Variants in GPD1L observed in about 807,000 individuals in gnomAD.
The protein encoded by GPD1L is glycerol-3-phosphate dehydrogenase 1 like.
Under a neutral mutation model 32.9 loss-of-function variants are expected in GPD1L, and 17 were observed. The ratio of observed to expected loss-of-function variants is 0.52; its 90% CI spans 0.35 to 0.78. The LOEUF (loss-of-function observed/expected upper bound fraction) is 0.78, where lower values mean the gene tolerates loss of function less well. Among genes scored for constraint, GPD1L ranks in the 30% least tolerant of loss-of-function variants. GPD1L has a pLI of 0.01. For synonymous variants in GPD1L, 187 were observed against 165.9 expected (o/e 1.13, Z -0.98); for missense variants, 361 against 447.8 (o/e 0.81, Z 1.75).
chr3:32,113,645 T>C (rs1171078153), intron 1 of GPD1L, among the ~76,000 whole-genome samples: 2 of 152,164 alleles, frequency 1.3e-5, no homozygotes, highest in Admixed American at 6.5e-5. Context: ...TCTTCCACAA[T>C]TGGAAGAGGA....
intron 1 of GPD1L, among the ~76,000 whole-genome samples, chr3:32,112,717 A>T (rs944694247): frequency 4.6e-5 from 7 of 152,096 alleles, no homozygotes; most frequent in African/African-American, 1.7e-4. Flanking sequence ...TTAACCTTTC[A>T]TTTCTTAACC....
At chr3:32,150,041 C>T (rs533710470) in intron 5 of GPD1L, among the ~76,000 whole-genome samples, 7 of 152,152 alleles carry the variant, frequency 4.6e-5, no homozygotes, top group African/African-American at 9.6e-5. Context: ...CATGCACTTG[C>T]GAAAACCACT....
intron 2 of GPD1L, among the ~76,000 whole-genome samples, chr3:32,138,345 A>G (rs999860886): frequency 7.2e-5 from 11 of 152,206 alleles, no homozygotes; most frequent in African/African-American, 2.4e-4. Context: ...CCTTTTGCAG[A>G]TAAGGCAGTT....
intron 1 of GPD1L, among the ~76,000 whole-genome samples, chr3:32,108,889 G>A (rs541680753): frequency 5.8e-4 from 88 of 152,060 alleles, no homozygotes; most frequent in African/African-American, 1.9e-3. Context: ...TCCCTCTGTC[G>A]CCCAGGCTGG....
intron 4 of GPD1L, among the ~76,000 whole-genome samples, chr3:32,145,613 G>C (rs1700808766): frequency 6.6e-6 from 1 of 152,160 alleles, no homozygotes; most frequent in Non-Finnish European, 1.5e-5. Flanking sequence ...TCAGGAGCAT[G>C]CTTCATGTTG....
chr3:32,156,496 TC>T (rs1286328170), intron 5 of GPD1L, among the ~76,000 whole-genome samples: 1 of 152,178 alleles, frequency 6.6e-6, no homozygotes, highest in Admixed American at 6.5e-5. Flanking sequence ...GGCCTTCCTA[TC>T]CCCATCCTTT....
At chr3:32,139,811 A>C (rs780314552) in intron 3 of GPD1L, among the ~76,000 whole-genome samples, 7 of 152,256 alleles carry the variant, frequency 4.6e-5, no homozygotes, top group Non-Finnish European at 1.0e-4. Context: ...ACAGCACATC[A>C]CAGGTGAATG....
At chr3:32,141,510 C>G (rs1700743722) in intron 4 of GPD1L, among the ~76,000 whole-genome samples, 2 of 152,264 alleles carry the variant, frequency 1.3e-5, no homozygotes, top group East Asian at 1.9e-4. Context: ...ATCCTCATAA[C>G]TGCATAGCAT....
At chr3:32,115,955 T>C (rs895063523) in intron 1 of GPD1L, among the ~76,000 whole-genome samples, 1 of 151,734 alleles carries the variant, frequency 6.6e-6, no homozygotes, top group African/African-American at 2.4e-5. Context: ...GCCAGGCTAA[T>C]TTTTTTGTAT....
In GPD1L at chr3:32,168,328, A is replaced by G. The variant is rs1000917389; in HGVS notation, c.*2418A>G. 2 of 152,660 alleles carry G rather than the reference A, an allele frequency of 1.3e-5. No individual in the cohort carries two copies. Among genetic ancestry groups the G allele is most frequent in the African/African-American group, 4.8e-5 (2 of 41,452 alleles). The allele number at this position is 152,660 out of a possible 1,614,324, so 9.5% of individuals were successfully genotyped here. ...TTTTAATTCACATTTCTTATGAAGT[A>G]TGGTAACAGGGAGGGAGACACCTAG... On this transcript the variant is annotated 3_prime_UTR_variant, in exon 8 of 8. Transcript: ENST00000282541.
At chr3:32,130,401 C>T (rs1404372292) in intron 2 of GPD1L, among the ~76,000 whole-genome samples, 1 of 152,170 alleles carries the variant, frequency 6.6e-6, no homozygotes, top group East Asian at 1.9e-4. Context: ...GTTTTTCTTT[C>T]CAATTCAAGC....
At chr3:32,139,269 C>G (rs759370287) in intron 3 of GPD1L, among the ~76,000 whole-genome samples, 2 of 152,176 alleles carry the variant, frequency 1.3e-5, no homozygotes, top group African/African-American at 4.8e-5. Context: ...GCAGTATTAG[C>G]AGGATCTGAG....
chr3:32,155,912 G>A (rs1372020280), intron 5 of GPD1L, among the ~76,000 whole-genome samples: 1 of 152,122 alleles, frequency 6.6e-6, no homozygotes, highest in African/African-American at 2.4e-5. Flanking sequence ...GCCGTGTACC[G>A]CTTCCGTCTC....
intron 4 of GPD1L, 54 bp from the exon 5 acceptor site, chr3:32,146,568 A>G: frequency 1.0e-6 from 1 of 977,172 alleles, no homozygotes; most frequent in Non-Finnish European, 1.7e-6. Context: ...ATTAGGTGTG[A>G]AAATTAAGAT....
At chr3:32,146,083 CTTTTTTTTTTTT>C (rs59106750) in intron 4 of GPD1L, among the ~76,000 whole-genome samples, 166 of 126,158 alleles carry the variant, frequency 1.3e-3, no homozygotes, top group African/African-American at 4.7e-3. Context: ...ATGCTTTTTT[CTTTTTTTTTTTT>C]TTTTTTTTTG....
chr3:32,161,140 A>G (rs1701069176), intron 7 of GPD1L, among the ~76,000 whole-genome samples: 1 of 152,102 alleles, frequency 6.6e-6, no homozygotes, highest in African/African-American at 2.4e-5. Flanking sequence ...GGTCCCAGTC[A>G]TGCATCTTTA....
At chr3:32,152,300 A>G (rs968942313) in intron 5 of GPD1L, among the ~76,000 whole-genome samples, 3 of 152,300 alleles carry the variant, frequency 2.0e-5, no homozygotes, top group East Asian at 1.9e-4. Context: ...ATTCTATTCT[A>G]TAGAATTCGC....
At chr3:32,110,072 C>T (rs1192856321) in intron 1 of GPD1L, among the ~76,000 whole-genome samples, 4 of 152,232 alleles carry the variant, frequency 2.6e-5, no homozygotes, top group Admixed American at 2.6e-4. Context: ...CACCCGCCAC[C>T]ACGCCCAGCT....
intron 1 of GPD1L, among the ~76,000 whole-genome samples, chr3:32,121,751 C>A (rs1343337679): frequency 3.7e-5 from 5 of 133,388 alleles, no homozygotes; most frequent in African/African-American, 1.4e-4. Context: ...ATATATATTT[C>A]TATATATATA....
Sources: gnomAD v4.1 joint callset for allele counts (sites outside exome capture counted in the v4.1 genomes callset) on GRCh38, gnomAD v4.1.1 for gene constraint, MANE v1.5 for transcripts, NCBI Gene and HGNC (gene_info 2026-07-23, HGNC 2026-07-21) for gene names.